ST6GALNAC3: variants seen among roughly 807,000 people sequenced by gnomAD.
ST6GALNAC3 encodes the protein alpha-N-acetylgalactosaminide alpha-2,6-sialyltransferase 3.
In ST6GALNAC3, 25 loss-of-function variants were observed where a neutral mutation model predicts 32.7. That is an observed-to-expected ratio of 0.76 (90% CI 0.56 to 1.07). The LOEUF is 1.07. Among genes scored for constraint, ST6GALNAC3 ranks in the 50% least tolerant of loss-of-function variants. The probability of loss-of-function intolerance (pLI) is 0.00; values close to 1 mark genes in which losing one functional copy is unlikely to be tolerated. For synonymous variants in ST6GALNAC3, 129 were observed against 133.1 expected, an observed-to-expected ratio of 0.97 and a Z score of 0.21; for missense variants, 355 against 382.4, an observed-to-expected ratio of 0.93 and a Z score of 0.60.
At chr1:76,575,305 C>T (rs1037161282) in intron 3 of ST6GALNAC3, among the ~76,000 whole-genome samples, 1 of 152,044 alleles carries the variant, frequency 6.6e-6, no homozygotes, top group East Asian at 1.9e-4. Context: ...TTCAATGGAA[C>T]CTGAAAGCTG....
At chr1:76,596,215 A>C (rs1037099209) in intron 3 of ST6GALNAC3, among the ~76,000 whole-genome samples, 3 of 152,144 alleles carry the variant, frequency 2.0e-5, no homozygotes, top group Non-Finnish European at 4.4e-5. Context: ...CTTTGCACTC[A>C]AGCAGAATTA....
chr1:76,496,169 G>A (rs1660835335), intron 3 of ST6GALNAC3, among the ~76,000 whole-genome samples: 1 of 152,136 alleles, frequency 6.6e-6, no homozygotes, highest in Admixed American at 6.6e-5. Context: ...GGAAAAATCT[G>A]CCTGAGATTT....
intron 3 of ST6GALNAC3, among the ~76,000 whole-genome samples, chr1:76,483,323 T>G (rs1054510587): frequency 6.6e-6 from 1 of 152,192 alleles, no homozygotes; most frequent in Non-Finnish European, 1.5e-5. Context: ...ATGGTTGAAC[T>G]AGTTTACAGT....
rs143870928 is a variant in ST6GALNAC3, at chr1:76,634,173, A to C, written c.*5367A>C. On this transcript the variant is annotated 3_prime_UTR_variant, in exon 5 of 5. Transcript: ENST00000328299. ...GCCTTGAAGACTTCAGAAAAATAGA[A>C]GCTCACTTCCTTCCATAAAGGTGAA... is the stretch of plus-strand genomic sequence containing the variant. The C allele has an allele frequency of 0.013, 12,994 of 984,516 alleles. 111 individuals are homozygous for C. The highest frequency in any genetic ancestry group is 0.034 in the Middle Eastern group (66 of 1,914). 61.0% of individuals were successfully genotyped at this position (984,516 alleles called of 1,614,324 possible).
intron 1 of ST6GALNAC3, among the ~76,000 whole-genome samples, chr1:76,301,421 C>T (rs1039849349): frequency 6.6e-6 from 1 of 152,002 alleles, no homozygotes; most frequent in Non-Finnish European, 1.5e-5. Context: ...CATTTTACAT[C>T]TAGGTTCCTG....
intron 1 of ST6GALNAC3, among the ~76,000 whole-genome samples, chr1:76,197,646 G>C (rs1380368615): frequency 6.6e-6 from 1 of 152,202 alleles, no homozygotes; most frequent in African/African-American, 2.4e-5. Context: ...ACACACCACT[G>C]TCTTTGAGAA....
chr1:76,432,322 A>T (rs1655812959), intron 3 of ST6GALNAC3, among the ~76,000 whole-genome samples: 1 of 152,132 alleles, frequency 6.6e-6, no homozygotes, highest in African/African-American at 2.4e-5. Context: ...AGTTGCTATA[A>T]ATATCTGTGT....
rs117044379 is a variant in ST6GALNAC3, at chr1:76,508,542, C to T, written c.623+96125C>T. ...AGGCAGCATTGTGTTTGAAGTTCGG[C>T]ACCTGGGACCCAGTATTGCTGAAGC... On this transcript the variant is annotated intron_variant, in intron 3 of 4. Coordinates refer to ENST00000328299, the MANE Select transcript of ST6GALNAC3 (RefSeq NM_152996.4). 8.1e-3 allele frequency among the ~76,000 whole-genome samples: 1,228 copies of T among 152,216 alleles called. 32 individuals carry two copies. Among genetic ancestry groups the T allele is most frequent in the Admixed American group, 0.047 (715 of 15,282 alleles).
chr1:76,184,440 G>A (rs965370837), intron 1 of ST6GALNAC3, among the ~76,000 whole-genome samples: 26 of 151,714 alleles, frequency 1.7e-4, no homozygotes, highest in African/African-American at 6.1e-4. Context: ...TTGGGAGGCC[G>A]AGGCAGGAGA....
At chr1:76,634,996 G>A (rs1039764834), downstream of ST6GALNAC3, among the ~76,000 whole-genome samples, 69 of 152,286 alleles carry the variant, frequency 4.5e-4, no homozygotes, top group Admixed American at 2.2e-3. Flanking sequence ...ATCCAAGTCG[G>A]AAACATATCC....
chr1:76,200,974 A>G (rs1654483027), intron 1 of ST6GALNAC3, among the ~76,000 whole-genome samples: 1 of 152,178 alleles, frequency 6.6e-6, no homozygotes, highest in Admixed American at 6.5e-5. Flanking sequence ...TTTGAAGATT[A>G]TTAATAATAA....
At chr1:76,548,111 A>G (rs548333750) in intron 3 of ST6GALNAC3, among the ~76,000 whole-genome samples, 1 of 152,234 alleles carries the variant, frequency 6.6e-6, no homozygotes, top group South Asian at 2.1e-4. Context: ...GGCTTCCTCA[A>G]ACAAGCCAGA....
intron 1 of ST6GALNAC3, among the ~76,000 whole-genome samples, chr1:76,119,572 G>C (rs550229659): frequency 6.6e-6 from 1 of 152,134 alleles, no homozygotes; most frequent in Non-Finnish European, 1.5e-5. Context: ...GTAATAAAAG[G>C]CACCATCAAA....
At chr1:76,119,561 A>G (rs1403991327) in intron 1 of ST6GALNAC3, among the ~76,000 whole-genome samples, 1 of 152,338 alleles carries the variant, frequency 6.6e-6, no homozygotes, top group African/African-American at 2.4e-5. Flanking sequence ...GATGAAGAGG[A>G]GTAATAAAAG....
intron 3 of ST6GALNAC3, among the ~76,000 whole-genome samples, chr1:76,454,661 T>G (rs1357233785): frequency 6.6e-6 from 1 of 152,208 alleles, no homozygotes; most frequent in Non-Finnish European, 1.5e-5. Context: ...GTTGTTAATC[T>G]GATAGGTTTT....
chr1:76,083,689 A>C (rs2100729294), intron 1 of ST6GALNAC3, among the ~76,000 whole-genome samples: 1 of 152,380 alleles, frequency 6.6e-6, no homozygotes, highest in Middle Eastern at 3.4e-3. Flanking sequence ...AGAATTTAAT[A>C]ATGTGTTTTA....
chr1:76,257,327 C>T (rs1328034724), intron 1 of ST6GALNAC3, among the ~76,000 whole-genome samples: 1 of 152,048 alleles, frequency 6.6e-6, no homozygotes, highest in Non-Finnish European at 1.5e-5. Flanking sequence ...ACTGACGGGA[C>T]TTATAATAGT....
At chr1:76,120,768 G>A (rs1570055466) in intron 1 of ST6GALNAC3, among the ~76,000 whole-genome samples, 2 of 152,216 alleles carry the variant, frequency 1.3e-5, no homozygotes, top group African/African-American at 2.4e-5. Context: ...TCAGTAAATG[G>A]CATCCCAGGG....
intron 3 of ST6GALNAC3, among the ~76,000 whole-genome samples, chr1:76,560,563 C>G (rs1306527560): frequency 1.3e-5 from 2 of 152,100 alleles, no homozygotes; most frequent in Non-Finnish European, 2.9e-5. Flanking sequence ...ATACAAATGG[C>G]AAACAGGCAT....
Sources: allele counts gnomAD v4.1 joint callset (sites outside exome capture counted in the v4.1 genomes callset), GRCh38; gene constraint gnomAD v4.1.1; transcripts MANE v1.5; gene names NCBI Gene and HGNC (gene_info 2026-07-23, HGNC 2026-07-21).